ARL6IP6: variants seen among roughly 807,000 people sequenced by gnomAD.
ARL6IP6 encodes the protein ARF like GTPase 6 interacting protein 6.
ARL6IP6 carries 22 observed loss-of-function variants against 21.5 expected under a neutral mutation model. The observed-to-expected ratio is 1.02, with a 90% CI of 0.73 to 1.46. The LOEUF is 1.46. Among genes scored for constraint, ARL6IP6 ranks in the 40% most tolerant of loss-of-function variants. The pLI, the probability that ARL6IP6 is intolerant of heterozygous loss-of-function variation, is 0.00. For synonymous variants in ARL6IP6, 164 were observed against 125.3 expected (o/e 1.31, Z -2.06); for missense variants, 388 against 299.8 (o/e 1.29, Z -2.17).
chr2:152,718,828 A>G lies in ARL6IP6; in HGVS notation c.204A>G (p.Arg68=), dbSNP rs774640694. Reference sequence around the variant, plus strand: ...CGGCTGGGGCGTGGTCAGAGCCCAGAAAGCGCTCGGTGCTCCCGCCGGACG... The same window carrying G: ...CGGCTGGGGCGTGGTCAGAGCCCAGGAAGCGCTCGGTGCTCCCGCCGGACG... The part of the protein sequence containing the change: ...EFSAGAWSEP[R]KRSVLPPDGN... Residue 68 remains arginine (R), a synonymous_variant, in exon 1 of 4, where the codon AGA becomes AGG. Coordinates refer to ENST00000326446, the MANE Select transcript of ARL6IP6 (RefSeq NM_152522.7). The G allele has an allele frequency of 1.9e-6, 3 of 1,610,536 alleles. No individual in the cohort carries two copies. The highest frequency in any genetic ancestry group is 2.5e-6 in the Non-Finnish European group (3 of 1,178,134).
Position 152,761,867 on chromosome 2 carries a change from A to G in ARL6IP6, c.*2027A>G, listed in dbSNP as rs1314372229. ...ATTGCCTAATGACGCTTTTCTCAGA[A>G]TATATCCTTGTCATTAAGCCAAACA... On this transcript the variant is annotated 3_prime_UTR_variant, in exon 4 of 4. Transcript: ENST00000326446. 6.6e-6 allele frequency among the ~76,000 whole-genome samples: 1 copy of G among 152,190 alleles called. No individual in the cohort carries two copies. The highest frequency in any genetic ancestry group is 1.5e-5 in the Non-Finnish European group (1 of 68,036).
chr2:152,750,243 C>T (rs1701262804), intron 3 of ARL6IP6, among the ~76,000 whole-genome samples: 1 of 151,998 alleles, frequency 6.6e-6, no homozygotes, highest in Non-Finnish European at 1.5e-5. Flanking sequence ...TTTGGGAGTG[C>T]TGGGTGGATC....
At chr2:152,731,080 GAC>G (rs1292969720) in intron 2 of ARL6IP6, among the ~76,000 whole-genome samples, 2 of 152,146 alleles carry the variant, frequency 1.3e-5, no homozygotes, top group Non-Finnish European at 2.9e-5. Flanking sequence ...GTGCATTCAA[GAC>G]ATATTGTGTT....
At chr2:152,742,428 G>T (rs1013739979) in intron 3 of ARL6IP6, among the ~76,000 whole-genome samples, 1 of 151,968 alleles carries the variant, frequency 6.6e-6, no homozygotes, top group Non-Finnish European at 1.5e-5. Flanking sequence ...AAGTATCCAG[G>T]TGTGGTGAAA....
intron 3 of ARL6IP6, among the ~76,000 whole-genome samples, chr2:152,746,821 C>CTTTTTTTTTTTTTTTTTTTTT (rs61506535): frequency 2.7e-4 from 9 of 33,084 alleles, no homozygotes; most frequent in East Asian, 7.0e-4. Context: ...TTTATCCTTT[C>CTTTTTTTTTTTTTTTTTTTTT]TTTTTTTTTT....
rs115005537 is a variant in ARL6IP6, at chr2:152,723,311, A to C, written c.454+2725A>C. On this transcript the variant is annotated intron_variant, in intron 2 of 3. Transcript: ENST00000326446. ...GAAAAGTACCATGCAGCCTTTTATC[A>C]GATGATAACGATTTTATTATATTTC... Among the ~76,000 whole-genome samples, 976 of 152,352 alleles carry C rather than the reference A, an allele frequency of 6.4e-3. 12 individuals are homozygous for C. Among genetic ancestry groups the C allele is most frequent in the African/African-American group, 0.022 (925 of 41,578 alleles).
Position 152,724,323 on chromosome 2 carries a change from T to C in ARL6IP6, c.454+3737T>C, listed in dbSNP as rs373408156. Among the ~76,000 whole-genome samples the C allele has an allele frequency of 8.5e-5, 13 of 152,352 alleles. No individual in the cohort carries two copies. In the East Asian group the frequency reaches 1.7e-3, roughly 20 times the overall value. Reference sequence around the variant, plus strand: ...CAGTAATTAACAATAACACCATTTATTGCACTTTTACAATATGCCAAAAGC... The same window carrying C: ...CAGTAATTAACAATAACACCATTTACTGCACTTTTACAATATGCCAAAAGC... On this transcript the variant is annotated intron_variant, in intron 2 of 3. Transcript: ENST00000326446.
At chr2:152,740,485 G>A (rs1700755534) in intron 3 of ARL6IP6, among the ~76,000 whole-genome samples, 1 of 149,840 alleles carries the variant, frequency 6.7e-6, no homozygotes, top group African/African-American at 2.5e-5. Flanking sequence ...GTTTTGAAAT[G>A]TATATAAAAT....
At chr2:152,718,500 C>T (rs1699363557), upstream of ARL6IP6, 2 of 1,366,924 alleles carry the variant, frequency 1.5e-6, no homozygotes, top group Non-Finnish European at 9.7e-7. Context: ...CCTTGCTCTC[C>T]GTGGTTTACC....
intron 3 of ARL6IP6, among the ~76,000 whole-genome samples, chr2:152,754,678 C>G (rs989425276): frequency 1.3e-5 from 2 of 152,176 alleles, no homozygotes; most frequent in African/African-American, 4.8e-5. Flanking sequence ...TACATTCCCA[C>G]CAGCAATGTT....
chr2:152,718,404 G>C (rs1262138643), upstream of ARL6IP6: 1 of 542,214 alleles, frequency 1.8e-6, no homozygotes, highest in South Asian at 6.4e-5. Context: ...TCCCCTTTCC[G>C]GCTACAGCCC....
At chr2:152,718,488 A>G (rs1573994787), upstream of ARL6IP6, 1 of 1,273,134 alleles carries the variant, frequency 7.9e-7, no homozygotes, top group African/African-American at 1.5e-5. Flanking sequence ...CCCGCCGCCC[A>G]CCCTTGCTCT....
At chr2:152,720,181 A>G (rs1699714647) in intron 1 of ARL6IP6, 13 of 247,916 alleles carry the variant, frequency 5.2e-5, no homozygotes, top group South Asian at 4.5e-4. Flanking sequence ...ATAAAGTCAC[A>G]AAACCATGAT....
intron 3 of ARL6IP6, among the ~76,000 whole-genome samples, chr2:152,736,128 A>G (rs186010763): frequency 7.9e-5 from 12 of 152,294 alleles, no homozygotes; most frequent in Admixed American, 4.6e-4. Context: ...TTTCCAATAA[A>G]TTTTAGTTAT....
Position 152,720,585 on chromosome 2 carries a change from A to T in ARL6IP6, c.453A>T (p.Leu151Phe). The T allele has an allele frequency of 6.2e-7, 1 of 1,613,142 alleles. No homozygotes were observed. Among genetic ancestry groups the T allele is most frequent in the Non-Finnish European group, 8.5e-7 (1 of 1,179,402 alleles). Residue 151 changes from leucine to phenylalanine, a missense_variant and splice_region_variant, in exon 2 of 4, where the codon TTA (leucine) becomes TTT (phenylalanine). Leu to Phe is a conservative substitution (Grantham distance 22, BLOSUM62 0). Transcript: ENST00000326446. ...KNEDDVDTGL[L>F]GFWTLLIISL... ...AAGATGATGTAGACACTGGACTATTAGGTATGGACTTAATTGCCGCTTGCT... is the reference window on the plus strand; with the variant it reads ...AAGATGATGTAGACACTGGACTATTTGGTATGGACTTAATTGCCGCTTGCT...
chr2:152,751,327 T>G (rs74586745), intron 3 of ARL6IP6, among the ~76,000 whole-genome samples: 389 of 152,358 alleles, frequency 2.6e-3, no homozygotes, highest in Non-Finnish European at 4.7e-3. Context: ...TGAAAACATT[T>G]ATCATTTCTT....
chr2:152,731,826 T>C (rs1280162438), intron 2 of ARL6IP6, among the ~76,000 whole-genome samples: 1 of 152,194 alleles, frequency 6.6e-6, no homozygotes, highest in Non-Finnish European at 1.5e-5. Context: ...TTTCTTCATA[T>C]ATACAACATA....
chr2:152,723,617 C>T (rs1212637071), intron 2 of ARL6IP6, among the ~76,000 whole-genome samples: 1 of 152,128 alleles, frequency 6.6e-6, no homozygotes, highest in East Asian at 1.9e-4. Flanking sequence ...ATTTTGTACA[C>T]TGCAGAATTT....
At chr2:152,730,806 G>A (rs1379752558) in intron 2 of ARL6IP6, among the ~76,000 whole-genome samples, 1 of 152,184 alleles carries the variant, frequency 6.6e-6, no homozygotes, top group Non-Finnish European at 1.5e-5. Flanking sequence ...GGCATCTGCA[G>A]GCTTGGCTCT....
Sources: gnomAD v4.1 joint callset for allele counts (sites outside exome capture counted in the v4.1 genomes callset) on GRCh38, gnomAD v4.1.1 for gene constraint, MANE v1.5 for transcripts, NCBI Gene and HGNC (gene_info 2026-07-23, HGNC 2026-07-21) for gene names.